The following PTMA variants were observed in gnomAD, a reference collection of about 807,000 sequenced individuals.
The protein encoded by PTMA is prothymosin alpha, also known as gene sequence 28.
PTMA carries 4 observed loss-of-function variants against 16.9 expected under a neutral mutation model. The ratio of observed to expected loss-of-function variants is 0.24; its 90% CI spans 0.12 to 0.54. PTMA has a LOEUF of 0.54. Ranked by LOEUF, PTMA falls within the 20% of genes least tolerant of loss-of-function variation. The pLI, the probability that PTMA is intolerant of heterozygous loss-of-function variation, is 0.95. For missense variants in PTMA, 120 were observed against 137.7 expected (o/e 0.87, Z 0.64); for synonymous variants, 58 against 47.9 (o/e 1.21, Z -0.87).
rs1213781417 is a variant in PTMA, at chr2:231,712,935, C to T, written c.*84C>T. 8 of 1,440,398 alleles carry T rather than the reference C, an allele frequency of 5.6e-6. No individual in the cohort carries two copies. The highest frequency in any genetic ancestry group is 1.4e-5 in the African/African-American group (1 of 69,282). 89.2% of individuals were successfully genotyped at this position (1,440,398 alleles called of 1,614,324 possible). ...TCCACTTCCCGTCTCAGAATCTAAA[C>T]GTGGTCACCTTCGAGTAGAGAGGCC... On this transcript the variant is annotated 3_prime_UTR_variant, in exon 5 of 5. Transcript: ENST00000409115.
chr2:231,712,013 C>A (rs2048524527), intron 3 of PTMA, 30 bp downstream of exon 3: 2 of 1,552,606 alleles, frequency 1.3e-6, no homozygotes, highest in Non-Finnish European at 8.7e-7. Flanking sequence ...TTCCCCTTTT[C>A]AGGTACTTTT....
intron 3 of PTMA, 77 bp from the exon 4 acceptor site, chr2:231,712,366 C>G: frequency 1.4e-6 from 2 of 1,478,122 alleles, no homozygotes; most frequent in Non-Finnish European, 1.9e-6. Context: ...TTGCAGTCCA[C>G]TACATGTTCC....
At chr2:231,710,301 G>A (rs777458693) in intron 1 of PTMA, 366 of 1,260,414 alleles carry the variant, frequency 2.9e-4, no homozygotes, top group Admixed American at 1.0e-3. Flanking sequence ...GAGTCTCCAA[G>A]GCAAGGGACG....
chr2:231,708,894 G>T (rs2048475570), intron 1 of PTMA, 143 bp downstream of exon 1: 2 of 1,039,212 alleles, frequency 1.9e-6, no homozygotes, highest in Non-Finnish European at 1.4e-6. Context: ...GTGCCCTCAG[G>T]CAGCCCACTC....
chr2:231,710,426 T>G, intron 1 of PTMA: 3 of 1,146,288 alleles, frequency 2.6e-6, no homozygotes, highest in Non-Finnish European at 3.3e-6. Context: ...CTGCCCCCAC[T>G]GCTCCCCGGG....
chr2:231,708,918 G>A (rs892398287), intron 1 of PTMA, among the ~76,000 whole-genome samples, 167 bp downstream of exon 1: 1 of 152,196 alleles, frequency 6.6e-6, no homozygotes, highest in Non-Finnish European at 1.5e-5. Flanking sequence ...GTGTGGTGCG[G>A]GGGAGGGGGC....
At chr2:231,712,672 C>T (rs1054879771) in intron 4 of PTMA, 132 bp from the exon 5 acceptor site, 2 of 1,338,046 alleles carry the variant, frequency 1.5e-6, no homozygotes, top group African/African-American at 1.5e-5. Flanking sequence ...CAGGGCTGGG[C>T]TCAACTTCCC....
chr2:231,710,142 A>AC, intron 1 of PTMA: 1 of 1,255,104 alleles, frequency 8.0e-7, no homozygotes, highest in Non-Finnish European at 1.0e-6. Flanking sequence ...AGCCCGGTGG[A>AC]CTTTGGGGCG....
chr2:231,710,325 C>T (rs1166570938), intron 1 of PTMA: 17 of 1,232,238 alleles, frequency 1.4e-5, no homozygotes, highest in Middle Eastern at 6.2e-4. Flanking sequence ...TCGGCGGCCC[C>T]GGGCCACGTG....
rs2048512322 is a variant in PTMA at position 231,711,073 on chromosome 2, C to T, written c.46-275C>T. ...CTGTGGCGCCACATGGCTCCTTTTTCCTGGGAAGCGCCAGGGGGCAGTGGG... is the reference window on the plus strand; with the variant it reads ...CTGTGGCGCCACATGGCTCCTTTTTTCTGGGAAGCGCCAGGGGGCAGTGGG... On this transcript the variant is annotated intron_variant, in intron 1 of 4. Coordinates refer to ENST00000409115, the MANE Select transcript of PTMA (RefSeq NM_002823.5). 1.5e-5 allele frequency: 5 copies of T among 328,692 alleles called. No individual in the cohort carries two copies. In the East Asian group the frequency reaches 1.9e-4, roughly 13 times the overall value. The allele number at this position is 328,692 out of a possible 1,614,324, so 20.4% of individuals were successfully genotyped here. A position where few individuals can be genotyped will look rare whatever the true frequency, so the allele number is the denominator to read the frequency against.
At chr2:231,711,100 A>C in intron 1 of PTMA, 3 of 369,352 alleles carry the variant, frequency 8.1e-6, no homozygotes, top group Non-Finnish European at 1.5e-5. Flanking sequence ...GGCAGTGGGA[A>C]CCGCCACCGG....
chr2:231,709,548 C>T (rs1178290811), intron 1 of PTMA, among the ~76,000 whole-genome samples: 4 of 152,144 alleles, frequency 2.6e-5, no homozygotes, highest in Non-Finnish European at 5.9e-5. Flanking sequence ...CCGCGGCTGC[C>T]CGGGAGCACC....
At chr2:231,712,041 A>C in intron 3 of PTMA, 58 bp downstream of exon 3, 1 of 1,548,482 alleles carries the variant, frequency 6.5e-7, no homozygotes, top group African/African-American at 1.4e-5. Flanking sequence ...CTTGTCTGGC[A>C]GAAGGGGAAG....
intron 1 of PTMA, chr2:231,710,167 T>C: frequency 7.8e-7 from 1 of 1,281,920 alleles, no homozygotes; most frequent in Non-Finnish European, 1.0e-6. Flanking sequence ...CCCGTGGGAC[T>C]TGGCCCGCCG....
At chr2:231,712,287 C>T (rs1182108426) in intron 3 of PTMA, among the ~76,000 whole-genome samples, 156 bp from the exon 4 acceptor site, 1 of 152,176 alleles carries the variant, frequency 6.6e-6, no homozygotes, top group South Asian at 2.1e-4. Flanking sequence ...CTGGAGAGTC[C>T]CACCTGTGTA....
chr2:231,708,900 C>T, intron 1 of PTMA, 149 bp downstream of exon 1: 1 of 1,018,532 alleles, frequency 9.8e-7, no homozygotes, highest in East Asian at 2.7e-5. Flanking sequence ...TCAGGCAGCC[C>T]ACTCTTTGTG....
chr2:231,708,802 G>C (rs1224360088), intron 1 of PTMA, 51 bp downstream of exon 1: 1 of 1,576,676 alleles, frequency 6.3e-7, no homozygotes, highest in Non-Finnish European at 8.6e-7. Flanking sequence ...CGCCGCTCGG[G>C]CGGTGTTTGG....
intron 3 of PTMA, among the ~76,000 whole-genome samples, 158 bp downstream of exon 3, chr2:231,712,141 G>A (rs975260221): frequency 6.6e-6 from 1 of 152,212 alleles, no homozygotes; most frequent in African/African-American, 2.4e-5. Context: ...AGTCAGGGAA[G>A]GTCTCCCTGA....
intron 1 of PTMA, chr2:231,709,965 G>A: frequency 1.2e-6 from 1 of 861,482 alleles, no homozygotes; most frequent in Non-Finnish European, 1.5e-6. Context: ...GGGGCTCTCA[G>A]TGACCCCTTC....
Sources: gnomAD v4.1 joint callset for allele counts (sites outside exome capture counted in the v4.1 genomes callset) on GRCh38, gnomAD v4.1.1 for gene constraint, MANE v1.5 for transcripts, NCBI Gene and HGNC (gene_info 2026-07-23, HGNC 2026-07-21) for gene names.